Variants in ZNF699 observed in about 807,000 individuals in gnomAD.
ZNF699 encodes hangover homolog.
ZNF699 carries 18 observed loss-of-function variants against 22.5 expected under a neutral mutation model. The ratio of observed to expected loss-of-function variants is 0.80; its 90% CI spans 0.55 to 1.19. ZNF699 has a LOEUF of 1.19. Among genes scored for constraint, ZNF699 ranks in the 50% most tolerant of loss-of-function variants. The pLI, the probability that ZNF699 is intolerant of heterozygous loss-of-function variation, is 0.00. For missense variants in ZNF699, 670 were observed against 763.4 expected (o/e 0.88, Z 1.44); for synonymous variants, 241 against 262.3 (o/e 0.92, Z 0.78).
At chr19:9,301,027 G>T (rs1187889286) in intron 3 of ZNF699, among the ~76,000 whole-genome samples, 1 of 152,010 alleles carries the variant, frequency 6.6e-6, no homozygotes, top group African/African-American at 2.4e-5. Context: ...ATTAGAGGAG[G>T]CTATGCATGT....
chr19:9,302,265 G>T, intron 3 of ZNF699, 113 bp downstream of exon 3: 1 of 1,267,872 alleles, frequency 7.9e-7, no homozygotes, highest in Non-Finnish European at 1.1e-6. Flanking sequence ...GACCATATCT[G>T]TCTTACTTAC....
In ZNF699 at chr19:9,296,110, T is replaced by C. The variant is rs1370188333; in HGVS notation, c.1294A>G (p.Thr432Ala). 3.1e-6 allele frequency: 5 copies of C among 1,608,764 alleles called. No individual in the cohort carries two copies. The South Asian group carries it at 5.5e-5, about 18-fold the overall frequency. ...LECGKAFYLP[T>A]SLNTHVKNQS... is the part of the protein sequence containing the mutation. Reference sequence around the variant, plus strand: ...TTTTTCACATGTGTATTAAGGGAAGTGGGAAGGTAGAAGGCCTTTCCACAT... The same window carrying C: ...TTTTTCACATGTGTATTAAGGGAAGCGGGAAGGTAGAAGGCCTTTCCACAT... Residue 432 changes from threonine to alanine, a missense_variant, in exon 6 of 6, where the codon ACT becomes GCT. Thr to Ala is a moderately conservative substitution (Grantham distance 58). Transcript: ENST00000591998.
At position 9,296,455 on chromosome 19, in the gene ZNF699, T is replaced by G. The variant is rs1217764992; in HGVS notation, c.949A>C (p.Ser317Arg). The G allele has an allele frequency of 1.2e-6, 2 of 1,613,930 alleles. No homozygotes were observed. The highest frequency in any genetic ancestry group is 1.7e-6 in the Non-Finnish European group (2 of 1,179,992). Reference sequence around the variant, plus strand: ...TGTTTGGAGAGTGAGGAGGAACAACTGAAGGCCTTCCCACATTCCTTACAT... The same window carrying G: ...TGTTTGGAGAGTGAGGAGGAACAACGGAAGGCCTTCCCACATTCCTTACAT... ...YECKECGKAF[S>R]CSSSLSKHKR... Residue 317 changes from serine to arginine, a missense_variant, in exon 6 of 6, where the codon AGT becomes CGT. Physicochemically the swap from Ser to Arg is moderately radical, Grantham distance 110 (BLOSUM62 -1). Coordinates refer to ENST00000591998, the MANE Select transcript of ZNF699 (RefSeq NM_198535.3).
At chr19:9,305,953 C>T (rs1322995844) in intron 1 of ZNF699, among the ~76,000 whole-genome samples, 3 of 151,942 alleles carry the variant, frequency 2.0e-5, no homozygotes, top group South Asian at 2.1e-4. Context: ...CCGCCTGCCT[C>T]GGCCTCCCAA....
intron 2 of ZNF699, 138 bp downstream of exon 2, chr19:9,304,934 A>AAC (rs2066321815): frequency 6.6e-6 from 4 of 606,334 alleles, no homozygotes; most frequent in Non-Finnish European, 2.7e-6. Context: ...AAAAAAAAAA[A>AAC]AAAAAACTAT....
chr19:9,298,104 G>A, intron 3 of ZNF699, 114 bp from the exon 4 acceptor site: 1 of 625,600 alleles, frequency 1.6e-6, no homozygotes, highest in South Asian at 2.3e-5. Context: ...ACAACTGTGA[G>A]TTTAACTGCA....
rs908046593 is a variant in ZNF699, at chr19:9,294,835, G to A, written c.*640C>T. The A allele has an allele frequency of 3.3e-5, 5 of 151,902 alleles. No individual in the cohort carries two copies. Among genetic ancestry groups the A allele is most frequent in the Non-Finnish European group, 4.4e-5 (3 of 67,982 alleles). The allele number at this position is 151,902 out of a possible 1,614,324, so 9.4% of individuals were successfully genotyped here. On this transcript the variant is annotated 3_prime_UTR_variant, in exon 6 of 6. Coordinates refer to ENST00000591998, the MANE Select transcript of ZNF699 (RefSeq NM_198535.3). The stretch of plus-strand genomic sequence containing the variant: ...AATTTATCATCTCAGAAACTCTAAC[G>A]TCTCTTAGCAAAAAAGAATAGGAAG...
intron 2 of ZNF699, among the ~76,000 whole-genome samples, chr19:9,304,723 A>G (rs552533593): frequency 2.0e-5 from 3 of 152,186 alleles, no homozygotes; most frequent in Non-Finnish European, 4.4e-5. Context: ...CAGGAGATTG[A>G]GACCATCCTG....
chr19:9,299,113 C>A (rs2144977718), intron 3 of ZNF699, among the ~76,000 whole-genome samples: 1 of 152,338 alleles, frequency 6.6e-6, no homozygotes, highest in African/African-American at 2.4e-5. Context: ...AAATGACCTT[C>A]TGTTTGGCAA....
rs1238886661 is a variant in ZNF699 at position 9,295,777 on chromosome 19, GATAA to G, written c.1623_1626del (p.Tyr542ProfsTer8). 3.1e-6 allele frequency: 5 copies of G among 1,613,708 alleles called. No homozygotes were observed. The highest frequency in any genetic ancestry group is 2.7e-5 in the African/African-American group (2 of 74,810). Reference sequence around the variant, plus strand: ...CTCATGTGGATCCTAAGGGCTGAGGGATAAATAAAGGCTTTCCCACATTTCTTAC... The same window carrying G: ...CTCATGTGGATCCTAAGGGCTGAGGGATAAAGGCTTTCCCACATTTCTTAC... On this transcript the variant is annotated frameshift_variant, in exon 6 of 6. Coordinates refer to ENST00000591998, the MANE Select transcript of ZNF699 (RefSeq NM_198535.3). LOFTEE classifies it low-confidence loss of function (END_TRUNC).
At chr19:9,301,859 C>T (rs7252865) in intron 3 of ZNF699, among the ~76,000 whole-genome samples, 69,656 of 151,226 alleles carry the variant, frequency 0.46, 17,619 homozygotes, top group South Asian at 0.57. Flanking sequence ...CTTTCAACCA[C>T]GAAAAAAAGC....
intron 2 of ZNF699, among the ~76,000 whole-genome samples, chr19:9,303,067 A>G (rs1038831313): frequency 1.3e-5 from 2 of 152,192 alleles, no homozygotes; most frequent in Non-Finnish European, 2.9e-5. Flanking sequence ...ATCTGATGCC[A>G]ATGAGCTAGG....
In ZNF699 at chr19:9,292,837, TA is replaced by T. The variant is rs1353599443; in HGVS notation, c.*2637del. ...AAACCTTTCAATTTTTTTTTTTTTT[TA>T]AAAAGGAACCATAAGTCTGGGTGCA... On this transcript the variant is annotated 3_prime_UTR_variant, in exon 6 of 6. Transcript: ENST00000591998. Among the ~76,000 whole-genome samples, 17 of 136,124 alleles carry T rather than the reference TA, an allele frequency of 1.2e-4. No homozygotes were observed. Among genetic ancestry groups the T allele is most frequent in the African/African-American group, 3.9e-4 (15 of 38,634 alleles). The allele number at this position is 136,124 out of a possible 152,430, so 89.3% of individuals were successfully genotyped here.
chr19:9,297,149 G>A lies in ZNF699; in HGVS notation c.470+147C>T. 17 of 914,846 alleles carry A rather than the reference G, an allele frequency of 1.9e-5. No homozygotes were observed. The highest frequency in any genetic ancestry group is 2.5e-5 in the Non-Finnish European group (16 of 633,166). 56.7% of individuals were successfully genotyped at this position (914,846 alleles called of 1,614,324 possible). Reference sequence around the variant, plus strand: ...AACATTCAAAATCCCGGTCTCATTTGTGGAAAAAATTAACTCATGAAAATT... The same window carrying A: ...AACATTCAAAATCCCGGTCTCATTTATGGAAAAAATTAACTCATGAAAATT... On this transcript the variant is annotated intron_variant, in intron 5 of 5. Transcript: ENST00000591998. This position sits in a 1 kb window ranked among gnomAD's most constrained non-coding sequence, Gnocchi z 4.3.
chr19:9,300,316 G>T (rs762380821), intron 3 of ZNF699, among the ~76,000 whole-genome samples: 2 of 152,126 alleles, frequency 1.3e-5, no homozygotes, highest in Non-Finnish European at 2.9e-5. Context: ...TCCTGACCTC[G>T]TGATCCACCC....
rs1056752860 is a variant in ZNF699 at position 9,307,069 on chromosome 19, C to T, written c.-5-1945G>A. ...TACAAAAATCAGCCGGGCATGGTGG[C>T]GCACAGCTGTAGTCCCAGCTACTCA... On this transcript the variant is annotated intron_variant, in intron 1 of 5. Coordinates refer to ENST00000591998, the MANE Select transcript of ZNF699 (RefSeq NM_198535.3). Among the ~76,000 whole-genome samples the T allele has an allele frequency of 1.1e-4, 16 of 152,248 alleles. No individual in the cohort carries two copies. In the South Asian group the frequency reaches 3.1e-3, roughly 30 times the overall value.
rs764105759 is a variant in ZNF699 at position 9,300,297 on chromosome 19, G to A, written c.175+2081C>T. ...GAGTTTCACCCTGTTAGCCAGGATG[G>A]TCTCGATCTCCTGACCTCGTGATCC... On this transcript the variant is annotated intron_variant, in intron 3 of 5. Transcript: ENST00000591998. Among the ~76,000 whole-genome samples, 32 of 152,126 alleles carry A rather than the reference G, an allele frequency of 2.1e-4. 1 individual carries two copies. The highest frequency in any genetic ancestry group is 3.9e-4 in the Admixed American group (6 of 15,272).
At chr19:9,298,868 A>ACAGAG (rs2066296807) in intron 3 of ZNF699, among the ~76,000 whole-genome samples, 1 of 152,216 alleles carries the variant, frequency 6.6e-6, no homozygotes, top group South Asian at 2.1e-4. Context: ...GGGTTCAGAA[A>ACAGAG]CAGAGCCACA....
At chr19:9,307,177 G>C (rs1417306049) in intron 1 of ZNF699, among the ~76,000 whole-genome samples, 1 of 152,072 alleles carries the variant, frequency 6.6e-6, no homozygotes, top group Non-Finnish European at 1.5e-5. Flanking sequence ...CTCCAGCCTG[G>C]GCAACAGAGC....
Sources: gnomAD v4.1 joint callset for allele counts (sites outside exome capture counted in the v4.1 genomes callset) on GRCh38, gnomAD v4.1.1 for gene constraint, Gnocchi (gnomAD v3.1) non-coding constraint, MANE v1.5 for transcripts, NCBI Gene and HGNC (gene_info 2026-07-23, HGNC 2026-07-21) for gene names.